GPAT3: variants seen among roughly 807,000 people sequenced by gnomAD.
GPAT3 encodes 1-AGP acyltransferase 9.
GPAT3 carries 53 observed loss-of-function variants against 58.8 expected under a neutral mutation model. That is an observed-to-expected ratio of 0.90 (90% CI 0.72 to 1.13). The LOEUF (loss-of-function observed/expected upper bound fraction) is 1.13, where lower values mean the gene tolerates loss of function less well. GPAT3 is among the 50% of genes most tolerant of loss of function. The pLI is 0.00. For missense variants in GPAT3, 511 were observed against 527.6 expected, an observed-to-expected ratio of 0.97 and a Z score of 0.31; for synonymous variants, 197 against 187.4, an observed-to-expected ratio of 1.05 and a Z score of -0.42.
At chr4:83,592,143 T>A (rs565636729) in intron 6 of GPAT3, among the ~76,000 whole-genome samples, 7 of 152,222 alleles carry the variant, frequency 4.6e-5, no homozygotes, top group Non-Finnish European at 7.3e-5. Flanking sequence ...TCCTCCTGTA[T>A]TCTGGTCAAC....
At chr4:83,552,761 C>G (rs1283229166) in intron 2 of GPAT3, among the ~76,000 whole-genome samples, 1 of 152,214 alleles carries the variant, frequency 6.6e-6, no homozygotes, top group Non-Finnish European at 1.5e-5. Context: ...ATGTCCCCCC[C>G]TTCCCAAATT....
At chr4:83,562,436 A>G (rs1176858711) in intron 2 of GPAT3, among the ~76,000 whole-genome samples, 1 of 151,192 alleles carries the variant, frequency 6.6e-6, no homozygotes, top group African/African-American at 2.4e-5. Flanking sequence ...TATGAGTGGC[A>G]TTAGACAGGA....
At chr4:83,576,461 TG>T (rs1380332683) in intron 2 of GPAT3, among the ~76,000 whole-genome samples, 163 of 140,204 alleles carry the variant, frequency 1.2e-3, no homozygotes, top group African/African-American at 4.0e-3. Flanking sequence ...TATTTACTTT[TG>T]AGACAGAGTC....
intron 11 of GPAT3, among the ~76,000 whole-genome samples, chr4:83,602,283 C>T (rs890869326): frequency 1.3e-5 from 2 of 152,220 alleles, no homozygotes; most frequent in African/African-American, 4.8e-5. Context: ...CAAGTACAGA[C>T]TCTCCATCAG....
intron 2 of GPAT3, among the ~76,000 whole-genome samples, chr4:83,549,446 T>C (rs944093286): frequency 6.6e-5 from 8 of 121,588 alleles, no homozygotes; most frequent in East Asian, 4.3e-4. Context: ...TTATTTTGCG[T>C]GTGTGTGTGT....
In GPAT3 at chr4:83,574,624, A is replaced by ATTTT. The variant is rs561972057; in HGVS notation, c.209-6888_209-6885dup. Among the ~76,000 whole-genome samples, 101 of 55,546 alleles carry ATTTT rather than the reference A, an allele frequency of 1.8e-3. 7 individuals carry two copies. The highest frequency in any genetic ancestry group is 2.4e-3 in the Non-Finnish European group (68 of 28,560). 36.4% of individuals were successfully genotyped at this position (55,546 alleles called of 152,430 possible). A position where few individuals can be genotyped will look rare whatever the true frequency, so the allele number is the denominator to read the frequency against. ...AAAGCTGACTTGTAAAGTAAAATGA[A>ATTTT]TTTTTTTTTTTTTTTTTTTTTTTTT... is the stretch of plus-strand genomic sequence containing the variant. On this transcript the variant is annotated intron_variant, in intron 2 of 11. Transcript: ENST00000264409.
chr4:83,577,246 A>G (rs1321854816), intron 2 of GPAT3, among the ~76,000 whole-genome samples: 1 of 152,146 alleles, frequency 6.6e-6, no homozygotes, highest in African/African-American at 2.4e-5. Flanking sequence ...ACATTTAAAG[A>G]GACTAAAATG....
Position 83,581,644 on chromosome 4 carries a change from T to C in GPAT3, c.291T>C (p.Phe97=). 6.2e-7 allele frequency: 1 copy of C among 1,614,180 alleles called. No individual in the cohort carries two copies. The highest frequency in any genetic ancestry group is 1.6e-4 in the Middle Eastern group (1 of 6,062). ...RGRDFELSDV[F]YFSKKGLEAI... ...GGGACTTTGAGCTGTCTGACGTGTT[T>C]TATTTCTCCAAGAAGGGATTGGAAG... Residue 97 remains phenylalanine (F), a synonymous_variant, in exon 3 of 12, where the codon TTT becomes TTC. Transcript: ENST00000264409.
chr4:83,598,011 C>T (rs758764707), intron 9 of GPAT3, 40 bp from the exon 10 acceptor site: 55 of 1,609,246 alleles, frequency 3.4e-5, no homozygotes, highest in Non-Finnish European at 4.6e-5. Flanking sequence ...TGAGAAACCA[C>T]CCTTATTTCA....
intron 11 of GPAT3, among the ~76,000 whole-genome samples, chr4:83,601,888 A>G (rs939276682): frequency 6.6e-6 from 1 of 152,228 alleles, no homozygotes; most frequent in African/African-American, 2.4e-5. Context: ...ATTAAATGCT[A>G]GCTGACCACC....
chr4:83,587,040 C>T (rs1030882060), intron 3 of GPAT3, among the ~76,000 whole-genome samples: 2 of 152,182 alleles, frequency 1.3e-5, no homozygotes. Flanking sequence ...GTACTTTATT[C>T]TGAAACTTAC....
At chr4:83,590,657 T>G (rs1726561469) in intron 6 of GPAT3, among the ~76,000 whole-genome samples, 1 of 152,210 alleles carries the variant, frequency 6.6e-6, no homozygotes, top group African/African-American at 2.4e-5. Flanking sequence ...GCCAGCCAAT[T>G]ACTTCTTTCT....
At position 83,584,698 on chromosome 4, in the gene GPAT3, G is replaced by T. The variant is rs192784672; in HGVS notation, c.480-2557G>T. 5.3e-3 allele frequency among the ~76,000 whole-genome samples: 809 copies of T among 152,272 alleles called. 7 individuals carry two copies. The highest frequency in any genetic ancestry group is 0.018 in the African/African-American group (739 of 41,542). ...TTTTTGTATTTTTAATAGAGATGGG[G>T]TTTCACCATGTTGGCCAGGCTGGTC... On this transcript the variant is annotated intron_variant, in intron 3 of 11. Coordinates refer to ENST00000264409, the MANE Select transcript of GPAT3 (RefSeq NM_032717.5).
At chr4:83,602,666 G>A (rs926815326) in intron 11 of GPAT3, among the ~76,000 whole-genome samples, 21 of 152,306 alleles carry the variant, frequency 1.4e-4, no homozygotes, top group African/African-American at 5.1e-4. Context: ...GGTTTACTGG[G>A]TGCTTGGGAA....
chr4:83,592,980 C>T (rs950413662), intron 6 of GPAT3, among the ~76,000 whole-genome samples: 9 of 151,476 alleles, frequency 5.9e-5, no homozygotes, highest in African/African-American at 1.7e-4. Flanking sequence ...GATTCTCCTG[C>T]CTTAGCCTCC....
chr4:83,578,941 T>C (rs1475217731), intron 2 of GPAT3, among the ~76,000 whole-genome samples: 2 of 4,982 alleles, frequency 4.0e-4, no homozygotes, highest in Admixed American at 4.5e-3. Context: ...TTCTTTCTTT[T>C]CTTTTCTTTT....
chr4:83,601,809 G>A (rs571935918), intron 11 of GPAT3, among the ~76,000 whole-genome samples: 25 of 152,310 alleles, frequency 1.6e-4, no homozygotes, highest in Admixed American at 4.6e-4. Flanking sequence ...CAAAGCTTGA[G>A]AAATCGATGG....
chr4:83,600,749 A>C (rs1727026968), intron 11 of GPAT3, among the ~76,000 whole-genome samples: 1 of 151,894 alleles, frequency 6.6e-6, no homozygotes, highest in African/African-American at 2.4e-5. Context: ...CAGGTGATCC[A>C]CCTCAGCCTC....
chr4:83,544,553 T>G lies in GPAT3; in HGVS notation c.159T>G (p.Ile53Met). 1 of 1,614,080 alleles carries G rather than the reference T, an allele frequency of 6.2e-7. No individual in the cohort carries two copies. The highest frequency in any genetic ancestry group is 8.5e-7 in the Non-Finnish European group (1 of 1,179,970). The change falls in exon 2 of 12, where the codon ATT (isoleucine) becomes ATG (methionine). Residue 53 changes from isoleucine to methionine, a missense_variant. Physicochemically the swap from Ile to Met is conservative, Grantham distance 10 (BLOSUM62 1). Coordinates refer to ENST00000264409, the MANE Select transcript of GPAT3 (RefSeq NM_032717.5). ...TTGAACAGTGGGCCACAATACGAAT[T>G]GAAAAAGGAACCCCAAAGGAGTCGA... is the stretch of plus-strand genomic sequence containing the variant. ...VKTLEWATIRIEKGTPKESIL... is the reference protein window; with the variant it reads ...VKTLEWATIRMEKGTPKESIL...
Sources: gnomAD v4.1 joint callset for allele counts (sites outside exome capture counted in the v4.1 genomes callset) on GRCh38, gnomAD v4.1.1 for gene constraint, MANE v1.5 for transcripts, NCBI Gene and HGNC (gene_info 2026-07-23, HGNC 2026-07-21) for gene names.